Variants in ABCA4 observed in about 807,000 individuals in gnomAD.
ABCA4 encodes the protein ATP binding cassette subfamily A member 4.
A neutral mutation model predicts 263.7 loss-of-function variants in ABCA4; 196 were observed. That is an observed-to-expected ratio of 0.74 (90% CI 0.66 to 0.84). ABCA4 has a LOEUF of 0.84. ABCA4 is among the 40% of genes least tolerant of loss of function. The pLI is 0.00. For synonymous variants in ABCA4, 1,133 were observed against 1,094.2 expected (o/e 1.04, Z -0.70); for missense variants, 2,792 against 2,855.1 (o/e 0.98, Z 0.50).
chr1:93,998,858 T>C (rs1314426079), intron 47 of ABCA4, among the ~76,000 whole-genome samples: 1 of 151,068 alleles, frequency 6.6e-6, no homozygotes, highest in Admixed American at 6.6e-5. Context: ...CCTGCCTCAG[T>C]CTCCTGAGAG....
chr1:94,109,917 C>T (rs1414706970), intron 3 of ABCA4, among the ~76,000 whole-genome samples: 1 of 152,180 alleles, frequency 6.6e-6, no homozygotes, highest in Non-Finnish European at 1.5e-5. Flanking sequence ...GGTTCAAATG[C>T]CAAGTACAGC....
chr1:94,040,103 C>A lies in ABCA4; in HGVS notation c.3547G>T (p.Gly1183Cys), dbSNP rs75267647. 628 of 1,609,894 alleles carry A rather than the reference C, an allele frequency of 3.9e-4. 9 individuals carry two copies. The East Asian group carries it at 0.01, about 26-fold the overall frequency. Reference sequence around the variant, plus strand: ...TGGGCTGGACACGTGGTGGAGAAACCCTTAGACGAGCAGCTGCAGGTCCCC... The same window carrying A: ...TGGGCTGGACACGTGGTGGAGAAACACTTAGACGAGCAGCTGCAGGTCCCC... ...SEGTCSCSSK[G>C]FSTTCPAHVD... Residue 1183 changes from glycine to cysteine, a missense_variant, in exon 24 of 50, where the codon GGT becomes TGT. Transcript: ENST00000370225.
At chr1:94,069,990 G>A (rs3789411) in intron 11 of ABCA4, among the ~76,000 whole-genome samples, 36,334 of 152,190 alleles carry the variant, frequency 0.24, 5,314 homozygotes, top group Non-Finnish European at 0.33. Flanking sequence ...GCAAAGCCAC[G>A]AGGTAATGCC....
chr1:94,015,693 C>T (rs756706950), intron 37 of ABCA4, 46 bp downstream of exon 37: 30 of 1,499,458 alleles, frequency 2.0e-5, no homozygotes, highest in Non-Finnish European at 2.7e-5. Flanking sequence ...ACCCCCACCA[C>T]CAGGCTTCTC....
intron 11 of ABCA4, among the ~76,000 whole-genome samples, chr1:94,071,537 TTG>T (rs1661399575): frequency 6.6e-6 from 1 of 152,252 alleles, no homozygotes; most frequent in African/African-American, 2.4e-5. Context: ...CATTTAGCTG[TTG>T]TGTTACATTA....
chr1:94,025,706 C>G (rs1211754191), intron 30 of ABCA4: 1 of 162,852 alleles, frequency 6.1e-6, no homozygotes, highest in African/African-American at 2.4e-5. Flanking sequence ...AGAAATGTTC[C>G]TGGTTCCAGT....
rs190934217 is a variant in ABCA4 at position 94,012,875 on chromosome 1, G to A, written c.5461-1490C>T. Among the ~76,000 whole-genome samples, 55 of 152,324 alleles carry A rather than the reference G, an allele frequency of 3.6e-4. No individual in the cohort carries two copies. In the East Asian group the frequency reaches 8.7e-3, roughly 24 times the overall value. ...GTTTATATCAGCACACACCCGGCAC[G>A]TGGTGTTCAGCTGGTAAAGACCTCC... On this transcript the variant is annotated intron_variant, in intron 38 of 49. Coordinates refer to ENST00000370225, the MANE Select transcript of ABCA4 (RefSeq NM_000350.3).
chr1:94,041,131 G>A (rs1208807938), intron 23 of ABCA4, 78 bp downstream of exon 23: 1 of 1,453,698 alleles, frequency 6.9e-7, no homozygotes, highest in East Asian at 2.3e-5. Flanking sequence ...TGTGTGAGTA[G>A]CCATGTCTGG....
chr1:94,078,623 GA>G lies in ABCA4; in HGVS notation c.1322del (p.Phe441SerfsTer8). On this transcript the variant is annotated frameshift_variant, in exon 10 of 50. Coordinates refer to ENST00000370225, the MANE Select transcript of ABCA4 (RefSeq NM_000350.3). LOFTEE classifies it high-confidence loss of function. ...WEEVGPQIWYFFDNSTQMNMI... is the reference protein window; with the variant it reads ...WEEVGPQIWYXFDNSTQMNMI... ...TGTTCATCTGTGTGCTGTTGTCAAA[GA>G]AGTACCAGATCTGGGGCCCTACTTC... The G allele has an allele frequency of 2.2e-6, 3 of 1,369,382 alleles. No individual in the cohort carries two copies. Among genetic ancestry groups the G allele is most frequent in the Non-Finnish European group, 2.9e-6 (3 of 1,037,038 alleles). 84.8% of individuals were successfully genotyped at this position (1,369,382 alleles called of 1,614,324 possible). A position where few individuals can be genotyped will look rare whatever the true frequency, so the allele number is the denominator to read the frequency against.
chr1:94,064,545 T>C (rs1431232865), intron 11 of ABCA4, among the ~76,000 whole-genome samples: 1 of 152,212 alleles, frequency 6.6e-6, no homozygotes, highest in Non-Finnish European at 1.5e-5. Context: ...GTGGTTCCCA[T>C]CTGTGGCTGT....
chr1:94,039,227 G>A (rs1222495473), intron 24 of ABCA4, among the ~76,000 whole-genome samples: 3 of 152,220 alleles, frequency 2.0e-5, no homozygotes, highest in Admixed American at 6.5e-5. Context: ...GAACAGTGAT[G>A]ATGCCTCTCT....
intron 6 of ABCA4, among the ~76,000 whole-genome samples, chr1:94,089,004 T>C (rs1166032580): frequency 2.0e-5 from 3 of 152,194 alleles, no homozygotes; most frequent in African/African-American, 7.2e-5. Flanking sequence ...AGATTGCCCA[T>C]GGCCATGTGG....
intron 5 of ABCA4, among the ~76,000 whole-genome samples, chr1:94,102,370 G>A (rs1476897482): frequency 6.6e-6 from 1 of 151,936 alleles, no homozygotes; most frequent in Non-Finnish European, 1.5e-5. Context: ...CGCCACCCCA[G>A]CACTTGCCAG....
At chr1:94,033,340 C>T (rs890067758) in intron 26 of ABCA4, among the ~76,000 whole-genome samples, 1 of 150,354 alleles carries the variant, frequency 6.7e-6, no homozygotes, top group Non-Finnish European at 1.5e-5. Context: ...GGGAGGACCC[C>T]TTGGGCCCAG....
Position 94,056,646 on chromosome 1 carries a change from G to A in ABCA4, c.2337C>T (p.Cys779=), listed in dbSNP as rs61749430. 23 of 1,613,816 alleles carry A rather than the reference G, an allele frequency of 1.4e-5. No individual in the cohort carries two copies. The African/African-American group carries it at 2.4e-4, about 17-fold the overall frequency. ...YFTLYLPHIL[C]FAWQDRMTAE... ...CGGTCATGCGGTCCTGCCAGGCGAA[G>A]CACAGGATGTGTGGCAGGTAGAGGG... The change falls in exon 15 of 50, where the codon TGC becomes TGT. Residue 779 remains cysteine (C), a synonymous_variant. Transcript: ENST00000370225.
intron 6 of ABCA4, among the ~76,000 whole-genome samples, chr1:94,094,405 G>A (rs983137136): frequency 4.6e-5 from 7 of 152,088 alleles, no homozygotes; most frequent in Admixed American, 1.3e-4. Flanking sequence ...CAGCCACCCC[G>A]TAGTCAAAGA....
At chr1:94,104,480 C>T (rs1401908263) in intron 4 of ABCA4, among the ~76,000 whole-genome samples, 1 of 152,206 alleles carries the variant, frequency 6.6e-6, no homozygotes, top group Non-Finnish European at 1.5e-5. Context: ...GCTGGACAGC[C>T]ACCCTTCTCA....
intron 30 of ABCA4, among the ~76,000 whole-genome samples, chr1:94,027,001 AGAGT>A (rs1268266196): frequency 1.3e-5 from 2 of 151,604 alleles, no homozygotes; most frequent in African/African-American, 2.4e-5. Flanking sequence ...AGAGTGAGAA[AGAGT>A]GAGAGAGTGA....
At position 94,069,141 on chromosome 1, in the gene ABCA4, G is replaced by C. The variant is rs114017639; in HGVS notation, c.1555-5824C>G. Among the ~76,000 whole-genome samples, 775 of 152,308 alleles carry C rather than the reference G, an allele frequency of 5.1e-3. 5 individuals carry two copies. Among genetic ancestry groups the C allele is most frequent in the African/African-American group, 0.018 (743 of 41,558 alleles). ...CAGGCAGCTGTGTTCAGGACCTCTG[G>C]AGAATGCAGTCATTTGTTTACACAG... On this transcript the variant is annotated intron_variant, in intron 11 of 49. Coordinates refer to ENST00000370225, the MANE Select transcript of ABCA4 (RefSeq NM_000350.3).
Sources: allele counts gnomAD v4.1 joint callset (sites outside exome capture counted in the v4.1 genomes callset), GRCh38; gene constraint gnomAD v4.1.1; transcripts MANE v1.5; gene names NCBI Gene and HGNC (gene_info 2026-07-23, HGNC 2026-07-21).